Variants in RGS17 observed in about 807,000 individuals in gnomAD.
RGS17 encodes regulator of G-protein signaling 17.
RGS17 carries 12 observed loss-of-function variants against 25.5 expected under a neutral mutation model. The ratio of observed to expected loss-of-function variants is 0.47; its 90% CI spans 0.30 to 0.76. RGS17 has a LOEUF of 0.76. Ranked by LOEUF, RGS17 falls within the 30% of genes least tolerant of loss-of-function variation. RGS17 has a pLI of 0.07. For synonymous variants in RGS17, 71 were observed against 76.9 expected (o/e 0.92, Z 0.40); for missense variants, 196 against 242.2 (o/e 0.81, Z 1.27).
intron 1 of RGS17, among the ~76,000 whole-genome samples, chr6:153,079,873 T>C (rs1209986551): frequency 6.6e-6 from 1 of 152,224 alleles, no homozygotes; most frequent in Non-Finnish European, 1.5e-5. Flanking sequence ...ATTAATTCTT[T>C]AAATATTTGA....
At position 153,020,107 on chromosome 6, in the gene RGS17, A is replaced by ATATATATATAT. The variant is rs1205305073; in HGVS notation, c.444+4154_444+4155insATATATATATA. On this transcript the variant is annotated intron_variant, in intron 4 of 4. Transcript: ENST00000206262. ...TCCTAATTGCAAATATCTTAAAAAA[A>ATATATATATAT]AAAAATATATATATATATATATATA... Among the ~76,000 whole-genome samples, 54 of 47,826 alleles carry ATATATATATAT rather than the reference A, an allele frequency of 1.1e-3. 2 individuals are homozygous for ATATATATATAT. The highest frequency in any genetic ancestry group is 0.011 in the East Asian group (15 of 1,428). The allele number at this position is 47,826 out of a possible 152,430, so 31.4% of individuals were successfully genotyped here.
intron 1 of RGS17, among the ~76,000 whole-genome samples, chr6:153,054,072 A>T (rs1400185468): frequency 6.0e-5 from 3 of 50,200 alleles, no homozygotes; most frequent in Non-Finnish European, 1.1e-4. Flanking sequence ...ATATACATAT[A>T]TATATACACA....
At chr6:153,111,136 G>C (rs1777463516) in intron 1 of RGS17, among the ~76,000 whole-genome samples, 1 of 152,128 alleles carries the variant, frequency 6.6e-6, no homozygotes. Context: ...AGGGAGCCAA[G>C]TGGTCTAGCT....
chr6:153,024,918 G>GT (rs951266811), intron 3 of RGS17, among the ~76,000 whole-genome samples: 49 of 151,326 alleles, frequency 3.2e-4, no homozygotes, highest in African/African-American at 5.3e-4. Context: ...ATAAGATACA[G>GT]TTTTTTTTTC....
At position 153,069,642 on chromosome 6, in the gene RGS17, A is replaced by G. The variant is rs187604178; in HGVS notation, c.-25-25599T>C. Among the ~76,000 whole-genome samples, 3 of 152,264 alleles carry G rather than the reference A, an allele frequency of 2.0e-5. No individual in the cohort carries two copies. In the East Asian group the frequency reaches 5.8e-4, roughly 29 times the overall value. ...TTGGATAGTTTGTAACACAAAGGAT[A>G]AATGCTTGAGAGGATATGCTGTTCT... On this transcript the variant is annotated intron_variant, in intron 1 of 4. Transcript: ENST00000206262.
At chr6:153,047,567 C>CT (rs1776400929) in intron 1 of RGS17, among the ~76,000 whole-genome samples, 1 of 152,074 alleles carries the variant, frequency 6.6e-6, no homozygotes, top group Admixed American at 6.5e-5. Flanking sequence ...AAGCTGGGGC[C>CT]TTTGGGAGGT....
At chr6:153,040,599 CT>C (rs966285549) in intron 2 of RGS17, among the ~76,000 whole-genome samples, 43 of 147,164 alleles carry the variant, frequency 2.9e-4, no homozygotes, top group Admixed American at 4.1e-4. Flanking sequence ...TGATTTCTAA[CT>C]TTTTTTTTTT....
chr6:153,102,156 T>C (rs1433750155), intron 1 of RGS17, among the ~76,000 whole-genome samples: 1 of 152,228 alleles, frequency 6.6e-6, no homozygotes, highest in East Asian at 1.9e-4. Context: ...TGCTAACAGT[T>C]GGACCCCAGC....
chr6:153,051,176 G>A (rs1396196343), intron 1 of RGS17, among the ~76,000 whole-genome samples: 1 of 152,210 alleles, frequency 6.6e-6, no homozygotes, highest in African/African-American at 2.4e-5. Flanking sequence ...CCCAAACTAA[G>A]AGAGAAATTG....
rs1195412501 is a variant in RGS17 at position 153,024,486 on chromosome 6, T to C, written c.220A>G (p.Thr74Ala). The C allele has an allele frequency of 6.2e-7, 1 of 1,613,274 alleles. No individual in the cohort carries two copies. Among genetic ancestry groups the C allele is most frequent in the Admixed American group, 1.7e-5 (1 of 60,012 alleles). ...IQVLEECQNPTAEEVLSWSQN... is the reference protein window; with the variant it reads ...IQVLEECQNPAAEEVLSWSQN... ...GACCAGGACAAGACTTCCTCTGCAG[T>C]GGGGTTTTGGCTGCAGAGACAGAAC... The change falls in exon 4 of 5, where the codon ACT (threonine) becomes GCT (alanine). Residue 74 changes from threonine (T) to alanine (A), a missense_variant. Thr to Ala is a moderately conservative substitution (Grantham distance 58). Transcript: ENST00000206262.
At chr6:153,056,857 T>C (rs2129113631) in intron 1 of RGS17, among the ~76,000 whole-genome samples, 1 of 150,836 alleles carries the variant, frequency 6.6e-6, no homozygotes, top group Admixed American at 6.6e-5. Flanking sequence ...TGTGTGTGTG[T>C]GTGTGTGTGT....
intron 1 of RGS17, among the ~76,000 whole-genome samples, chr6:153,061,160 T>G (rs1266745830): frequency 3.3e-5 from 5 of 152,216 alleles, no homozygotes; most frequent in Non-Finnish European, 5.9e-5. Context: ...CCTGACTTAT[T>G]CAGGCTTTGT....
rs1779071071 is a variant in RGS17, at chr6:153,006,039, C to T, written c.*5535G>A. ...ATACATTTTATTTTTTTCTTAGAGT[C>T]AGGGTCTCACTTTGTTGCATAGACA... On this transcript the variant is annotated 3_prime_UTR_variant, in exon 5 of 5. Transcript: ENST00000206262. 1 of 152,052 alleles carries T rather than the reference C, an allele frequency of 6.6e-6. No homozygotes were observed. The highest frequency in any genetic ancestry group is 1.5e-5 in the Non-Finnish European group (1 of 67,994). 9.4% of individuals were successfully genotyped at this position (152,052 alleles called of 1,614,324 possible).
intron 4 of RGS17, among the ~76,000 whole-genome samples, chr6:153,023,025 G>T (rs1185186075): frequency 3.3e-5 from 5 of 152,034 alleles, no homozygotes. Flanking sequence ...TTCTCATTTT[G>T]TAGAGACAAT....
chr6:153,020,139 T>G lies in RGS17; in HGVS notation c.444+4123A>C, dbSNP rs1177147904. On this transcript the variant is annotated intron_variant, in intron 4 of 4. Coordinates refer to ENST00000206262, the MANE Select transcript of RGS17 (RefSeq NM_012419.5). ...ATATATATATATATATATATATATA[T>G]TTTTTTTTTTTTTTTTTTTTTTTTT... Among the ~76,000 whole-genome samples the G allele has an allele frequency of 1.8e-4, 4 of 22,540 alleles. No homozygotes were observed. In the South Asian group the frequency reaches 8.4e-3, roughly 47 times the overall value. 14.8% of individuals were successfully genotyped at this position (22,540 alleles called of 152,430 possible).
At chr6:153,095,260 G>A (rs182695547) in intron 1 of RGS17, among the ~76,000 whole-genome samples, 1 of 152,068 alleles carries the variant, frequency 6.6e-6, no homozygotes, top group East Asian at 1.9e-4. Flanking sequence ...AAATATTCTT[G>A]GATATTGAAG....
In RGS17 at chr6:153,130,806, G is replaced by C. The variant is rs1204422476; in HGVS notation, c.-26+318C>G. Among the ~76,000 whole-genome samples, 2 of 152,006 alleles carry C rather than the reference G, an allele frequency of 1.3e-5. No homozygotes were observed. The highest frequency in any genetic ancestry group is 2.9e-5 in the Non-Finnish European group (2 of 67,982). On this transcript the variant is annotated intron_variant, in intron 1 of 4. Transcript: ENST00000206262. The surrounding 1 kb of genome is among the most constrained non-coding windows in gnomAD (Gnocchi z 6.4). The stretch of plus-strand genomic sequence containing the variant: ...TCCGCGGGAACTCTGGGACCTGGCC[G>C]AGCGTTCCCCGGCGGGCAGGACACT...
chr6:153,055,253 A>G (rs889506662), intron 1 of RGS17, among the ~76,000 whole-genome samples: 1 of 152,112 alleles, frequency 6.6e-6, no homozygotes, highest in African/African-American at 2.4e-5. Context: ...GTAAATACAG[A>G]AGGGAAAAAT....
At chr6:153,028,659 C>A (rs963233008) in intron 2 of RGS17, among the ~76,000 whole-genome samples, 2 of 152,086 alleles carry the variant, frequency 1.3e-5, no homozygotes, top group Non-Finnish European at 2.9e-5. Context: ...ATAAAATGTA[C>A]AATTTTTTGG....
Sources: allele counts gnomAD v4.1 joint callset (sites outside exome capture counted in the v4.1 genomes callset), GRCh38; gene constraint gnomAD v4.1.1; non-coding constraint Gnocchi (gnomAD v3.1); transcripts MANE v1.5; gene names NCBI Gene and HGNC (gene_info 2026-07-23, HGNC 2026-07-21).